The following SEC23B variants were observed in gnomAD, a reference collection of about 807,000 sequenced individuals.
SEC23B encodes protein transport protein Sec23B.
A neutral mutation model predicts 104.3 loss-of-function variants in SEC23B; 77 were observed. The ratio of observed to expected loss-of-function variants is 0.74; its 90% CI spans 0.61 to 0.89. The LOEUF (loss-of-function observed/expected upper bound fraction) is 0.89. Ranked by LOEUF, SEC23B falls within the 40% of genes least tolerant of loss-of-function variation. The pLI is 0.00. For synonymous variants in SEC23B, 338 were observed against 332.5 expected (o/e 1.02, Z -0.18); for missense variants, 885 against 949.4 (o/e 0.93, Z 0.89).
At chr20:18,547,146 T>G (rs2060339941) in intron 15 of SEC23B, among the ~76,000 whole-genome samples, 1 of 152,038 alleles carries the variant, frequency 6.6e-6, no homozygotes, top group African/African-American at 2.4e-5. Flanking sequence ...TGTCAAGGCA[T>G]TCTAGGAAAG....
At chr20:18,534,451 TG>T (rs1342767752) in intron 11 of SEC23B, among the ~76,000 whole-genome samples, 3 of 152,184 alleles carry the variant, frequency 2.0e-5, no homozygotes, top group Non-Finnish European at 4.4e-5. Flanking sequence ...TGCCAAGCAT[TG>T]TTCCTGGGCA....
intron 18 of SEC23B, among the ~76,000 whole-genome samples, chr20:18,554,643 T>G (rs1006254010): frequency 2.6e-5 from 4 of 152,000 alleles, no homozygotes; most frequent in African/African-American, 9.7e-5. Context: ...CTGGCTAACA[T>G]GGTGAAACCC....
chr20:18,547,887 G>C (rs1250225968), intron 15 of SEC23B, among the ~76,000 whole-genome samples: 1 of 151,940 alleles, frequency 6.6e-6, no homozygotes, highest in Admixed American at 6.6e-5. Flanking sequence ...CCTCTTAACT[G>C]TGGAAGCTTT....
chr20:18,524,738 A>G, intron 5 of SEC23B, 69 bp downstream of exon 5: 1 of 1,373,760 alleles, frequency 7.3e-7, no homozygotes, highest in Non-Finnish European at 1.0e-6. Flanking sequence ...GTCTCTTTAA[A>G]AGAGCCTGTA....
Position 18,543,091 on chromosome 20 carries a change from G to A in SEC23B, c.1584G>A (p.Met528Ile). ...ACCAGGAGGCTGCGGCAGTGTTGAT[G>A]GCACGGCTTGGGGTGTTCCGAGCGG... ...AFDQEAAAVL[M>I]ARLGVFRAES... Residue 528 changes from methionine (M) to isoleucine (I), a missense_variant, in exon 14 of 20, where the codon ATG becomes ATA. Met to Ile is a conservative substitution (Grantham distance 10). Transcript: ENST00000650089. The A allele has an allele frequency of 6.2e-7, 1 of 1,614,180 alleles. No homozygotes were observed.
At chr20:18,559,352 C>T (rs913073261) in intron 19 of SEC23B, among the ~76,000 whole-genome samples, 4 of 152,100 alleles carry the variant, frequency 2.6e-5, no homozygotes, top group African/African-American at 4.8e-5. Flanking sequence ...TGCCAGGTTG[C>T]GGTGGAAGTC....
intron 9 of SEC23B, among the ~76,000 whole-genome samples, chr20:18,527,876 C>G (rs1001381984): frequency 2.6e-5 from 4 of 152,152 alleles, no homozygotes; most frequent in African/African-American, 9.7e-5. Flanking sequence ...TTACAGAGAC[C>G]AGGCCAAGAA....
Position 18,536,039 on chromosome 20 carries a change from A to G in SEC23B, c.1404+297A>G, listed in dbSNP as rs183978702. ...TTTTTAGTGCATCGGTTCTTTCCCT[A>G]ATATTTTATTATGAAAAATTCCAAA... On this transcript the variant is annotated intron_variant, in intron 12 of 19. Coordinates refer to ENST00000650089, the MANE Select transcript of SEC23B (RefSeq NM_006363.6). Among the ~76,000 whole-genome samples, 466 of 152,324 alleles carry G rather than the reference A, an allele frequency of 3.1e-3. 3 individuals are homozygous for G. Among genetic ancestry groups the G allele is most frequent in the African/African-American group, 0.011 (449 of 41,576 alleles).
At position 18,526,304 on chromosome 20, in the gene SEC23B, T is replaced by C. The variant is rs764182869; in HGVS notation, c.835-69T>C. 1.6e-5 allele frequency: 24 copies of C among 1,545,108 alleles called. 1 individual carries two copies. The highest frequency in any genetic ancestry group is 2.0e-5 in the Non-Finnish European group (22 of 1,119,164). On this transcript the variant is annotated intron_variant, in intron 7 of 19. Transcript: ENST00000650089. ...AGAATGCATCTTTGGAGTATTTCTA[T>C]TGGGAAACTGAAACCATACTAAAAG...
chr20:18,549,100 A>G (rs73110843), intron 16 of SEC23B, among the ~76,000 whole-genome samples: 10,242 of 152,048 alleles, frequency 0.067, 497 homozygotes, highest in Middle Eastern at 0.12. Context: ...TTTGTGCCAA[A>G]AAAAAAAATA....
In SEC23B at chr20:18,548,579, C is replaced by CATTTCT. The variant is rs1205295060; in HGVS notation, c.1744-29_1744-24dup. The CATTTCT allele has an allele frequency of 5.6e-6, 9 of 1,607,646 alleles. No homozygotes were observed. The Admixed American group carries it at 1.2e-4, about 21-fold the overall frequency. On this transcript the variant is annotated intron_variant, in intron 15 of 19. Coordinates refer to ENST00000650089, the MANE Select transcript of SEC23B (RefSeq NM_006363.6). Reference sequence around the variant, plus strand: ...TGTCTAAGAAGGTTACAATTATATGCATTTCTCTTTCCGTTCTTTGTGAAT... The same window carrying CATTTCT: ...TGTCTAAGAAGGTTACAATTATATGCATTTCTATTTCTCTTTCCGTTCTTTGTGAAT...
intron 2 of SEC23B, 74 bp downstream of exon 2, chr20:18,511,130 T>A: frequency 7.8e-7 from 1 of 1,282,716 alleles, no homozygotes; most frequent in Non-Finnish European, 1.1e-6. Context: ...CTCATAAAAG[T>A]CATTAAATTT....
chr20:18,558,568 C>T (rs1190462585), intron 19 of SEC23B, among the ~76,000 whole-genome samples: 2 of 152,166 alleles, frequency 1.3e-5, no homozygotes, highest in Non-Finnish European at 2.9e-5. Flanking sequence ...TTGCAGTACC[C>T]CAGGTACTAC....
At chr20:18,537,443 A>G (rs927703810) in intron 12 of SEC23B, among the ~76,000 whole-genome samples, 1 of 151,920 alleles carries the variant, frequency 6.6e-6, no homozygotes, top group Admixed American at 6.6e-5. Context: ...CTTTGTAGGG[A>G]CATGGATGAA....
At chr20:18,513,342 C>CAA (rs1245148138) in intron 3 of SEC23B, among the ~76,000 whole-genome samples, 26 of 112,566 alleles carry the variant, frequency 2.3e-4, no homozygotes, top group Non-Finnish European at 3.8e-4. Flanking sequence ...GCAAGAGTGT[C>CAA]AAAAAAAAAA....
rs754057624 is a variant in SEC23B at position 18,525,898 on chromosome 20, G to A, written c.800G>A (p.Gly267Asp). The A allele has an allele frequency of 1.9e-6, 3 of 1,614,198 alleles. No individual in the cohort carries two copies. Among genetic ancestry groups the A allele is most frequent in the Admixed American group, 3.3e-5 (2 of 60,024 alleles). Residue 267 changes from glycine (G) to aspartate (D), a missense_variant, in exon 7 of 20, where the codon GGT becomes GAT. Coordinates refer to ENST00000650089, the MANE Select transcript of SEC23B (RefSeq NM_006363.6). The stretch of plus-strand genomic sequence containing the variant: ...GGGAAGAGACCTTTGCGATCCACTG[G>A]TGTGGCTTTGTCCATTGCTGTTGGC... ...TQGKRPLRST[G>D]VALSIAVGLL... is the part of the protein sequence containing the mutation.
chr20:18,552,997 G>A (rs2060402939), intron 17 of SEC23B, among the ~76,000 whole-genome samples: 2 of 152,184 alleles, frequency 1.3e-5, no homozygotes, highest in South Asian at 4.1e-4. Context: ...GGGAGGAGTG[G>A]TCTTGGAACC....
In SEC23B at chr20:18,542,307, G is replaced by C. The variant is rs748683808; in HGVS notation, c.1416G>C (p.Pro472=). ...CTCTCATCCTACAGCACAACACCCCGATCCCCCAAGGAGGCAGAGGAGCCA... is the reference window on the plus strand; with the variant it reads ...CTCTCATCCTACAGCACAACACCCCCATCCCCCAAGGAGGCAGAGGAGCCA... ...YFEVVNQHNT[P]IPQGGRGAIQ... is the part of the protein sequence containing the mutation. Residue 472 remains proline (P), a synonymous_variant, in exon 13 of 20, where the codon CCG becomes CCC. Transcript: ENST00000650089. 1 of 1,614,040 alleles carries C rather than the reference G, an allele frequency of 6.2e-7. No individual in the cohort carries two copies. Among genetic ancestry groups the C allele is most frequent in the Non-Finnish European group, 8.5e-7 (1 of 1,179,994 alleles).
At chr20:18,548,935 G>A (rs2122151286) in intron 16 of SEC23B, among the ~76,000 whole-genome samples, 165 bp downstream of exon 16, 1 of 152,164 alleles carries the variant, frequency 6.6e-6, no homozygotes, top group Middle Eastern at 3.4e-3. Flanking sequence ...AAATGTCAAA[G>A]GACATATAAA....
Sources: gnomAD v4.1 joint callset for allele counts (sites outside exome capture counted in the v4.1 genomes callset) on GRCh38, gnomAD v4.1.1 for gene constraint, MANE v1.5 for transcripts, NCBI Gene and HGNC (gene_info 2026-07-23, HGNC 2026-07-21) for gene names.